The following TEX15 variants were observed in gnomAD, a reference collection of about 807,000 sequenced individuals.
TEX15 encodes the protein testis expressed 15, meiosis and synapsis associated.
A neutral mutation model predicts 237.3 loss-of-function variants in TEX15; 171 were observed. The ratio of observed to expected loss-of-function variants is 0.72; its 90% CI spans 0.64 to 0.82. The LOEUF is 0.82. Ranked by LOEUF, TEX15 falls within the 40% of genes least tolerant of loss-of-function variation. TEX15 has a pLI of 0.00. For missense variants in TEX15, 3,750 were observed against 3,646.5 expected (o/e 1.03, Z -0.73); for synonymous variants, 1,338 against 1,269.8 (o/e 1.05, Z -1.14).
rs1807972655 is a variant in TEX15, at chr8:30,858,823, A to G, written c.695T>C (p.Phe232Ser). ...CTTTGAAAGGACACTGTATTCATAGAAGTACACCTGAAAGATGAAAACAGG... is the reference window on the plus strand; with the variant it reads ...CTTTGAAAGGACACTGTATTCATAGGAGTACACCTGAAAGATGAAAACAGG... ...ELQAYSSAVYFYEYSVLSKPV... is the reference protein window; with the variant it reads ...ELQAYSSAVYSYEYSVLSKPV... The change falls in exon 7 of 11, where the codon TTC (phenylalanine) becomes TCC (serine). Residue 232 changes from phenylalanine to serine, a missense_variant. Physicochemically the swap from Phe to Ser is radical, Grantham distance 155 (BLOSUM62 -2). Transcript: ENST00000643185. The G allele has an allele frequency of 6.5e-7, 1 of 1,526,780 alleles. No individual in the cohort carries two copies. The highest frequency in any genetic ancestry group is 2.5e-5 in the East Asian group (1 of 40,616). 94.6% of individuals were successfully genotyped at this position (1,526,780 alleles called of 1,614,324 possible). A position where few individuals can be genotyped will look rare whatever the true frequency, so the allele number is the denominator to read the frequency against.
intron 7 of TEX15, among the ~76,000 whole-genome samples, chr8:30,858,142 T>C (rs1031382034): frequency 6.6e-6 from 1 of 152,168 alleles, no homozygotes; most frequent in African/African-American, 2.4e-5. Context: ...GAATACTCTT[T>C]CCATTTATCC....
intron 7 of TEX15, among the ~76,000 whole-genome samples, chr8:30,855,253 C>T (rs1807885168): frequency 6.6e-6 from 1 of 152,058 alleles, no homozygotes; most frequent in Middle Eastern, 3.2e-3. Context: ...CTGCAGGATA[C>T]ACTATAATTA....
rs577913477 is a variant in TEX15 at position 30,845,093 on chromosome 8, T to G, written c.5074A>C (p.Lys1692Gln). ...VKWTDPIERP[K>Q]QNIITGNFLM... The stretch of plus-strand genomic sequence containing the variant: ...AAGTTTCCTGTAATAATGTTTTGTT[T>G]GGGTCTCTCAATAGGATCTGTCCAC... Residue 1692 changes from lysine to glutamine, a missense_variant, in exon 8 of 11, where the codon AAA (lysine) becomes CAA (glutamine). Transcript: ENST00000643185. 3.7e-6 allele frequency: 6 copies of G among 1,613,582 alleles called. No individual in the cohort carries two copies. In the African/African-American group the frequency reaches 5.3e-5, roughly 14 times the overall value.
At chr8:30,895,297 C>CAAAAAAAAAAAAA (rs34514049) in intron 2 of TEX15, among the ~76,000 whole-genome samples, 1 of 60,474 alleles carries the variant, frequency 1.7e-5, no homozygotes, top group Non-Finnish European at 3.6e-5. Flanking sequence ...GACTCCATCT[C>CAAAAAAAAAAAAA]AAAAAAAAAA....
chr8:30,894,563 A>G lies in TEX15; in HGVS notation c.-10+4179T>C, dbSNP rs991057249. Among the ~76,000 whole-genome samples, 4 of 152,236 alleles carry G rather than the reference A, an allele frequency of 2.6e-5. No individual in the cohort carries two copies. In the East Asian group the frequency reaches 5.8e-4, roughly 22 times the overall value. ...AGTTCCAAGATAAGCCTTCACATAT[A>G]TGGTGAAATGATGTTCCACAAGGGT... On this transcript the variant is annotated intron_variant, in intron 2 of 10. Transcript: ENST00000643185.
chr8:30,889,010 T>C (rs1289243581), intron 2 of TEX15, among the ~76,000 whole-genome samples: 2 of 152,200 alleles, frequency 1.3e-5, no homozygotes, highest in Admixed American at 1.3e-4. Flanking sequence ...CGCAGTTTAG[T>C]AAGGGGAAGA....
chr8:30,896,771 A>T (rs550040271), intron 2 of TEX15, among the ~76,000 whole-genome samples: 1 of 151,794 alleles, frequency 6.6e-6, no homozygotes, highest in African/African-American at 2.4e-5. Context: ...GTAAAACTGT[A>T]GTAATTTATT....
rs770059165 is a variant in TEX15, at chr8:30,848,743, T to C, written c.1424A>G (p.Asn475Ser). 1.9e-6 allele frequency: 3 copies of C among 1,614,180 alleles called. No homozygotes were observed. The East Asian group carries it at 6.7e-5, about 36-fold the overall frequency. The change falls in exon 8 of 11, where the codon AAT becomes AGT. Residue 475 changes from asparagine to serine, a missense_variant. By Grantham distance (46) the Asn-to-Ser change is conservative. Coordinates refer to ENST00000643185, the MANE Select transcript of TEX15 (RefSeq NM_001350162.2). ...VNSEIKSTPS[N>S]SASSSEVVPG... The stretch of plus-strand genomic sequence containing the variant: ...GACAACTTCTGAGGAGGAGGCAGAA[T>C]TAGATGGTGTCGATTTTATTTCTGA...
intron 3 of TEX15, among the ~76,000 whole-genome samples, chr8:30,880,514 CT>C (rs765874705): frequency 1.3e-4 from 20 of 152,180 alleles, no homozygotes; most frequent in Non-Finnish European, 2.5e-4. Context: ...CTTCCTTAGC[CT>C]ACTCAATGTG....
At position 30,887,605 on chromosome 8, in the gene TEX15, C is replaced by T. The variant is rs1003845425; in HGVS notation, c.-9-294G>A. On this transcript the variant is annotated intron_variant, in intron 2 of 10. Transcript: ENST00000643185. ...CTTGAGGCTAGGAGTTTGAGACCAG[C>T]CTGGCCAACATGGTGAAACTCCGTC... 2.2e-5 allele frequency: 4 copies of T among 179,236 alleles called. No individual in the cohort carries two copies. In the East Asian group the frequency reaches 4.3e-4, roughly 19 times the overall value. 11.1% of individuals were successfully genotyped at this position (179,236 alleles called of 1,614,324 possible). A position where few individuals can be genotyped will look rare whatever the true frequency, so the allele number is the denominator to read the frequency against.
intron 5 of TEX15, among the ~76,000 whole-genome samples, chr8:30,862,069 T>C (rs963417623): frequency 2.0e-5 from 3 of 152,140 alleles, no homozygotes; most frequent in African/African-American, 7.2e-5. Context: ...GAAATGTCAA[T>C]TAGTGCAATC....
In TEX15 at chr8:30,847,783, G is replaced by T; in HGVS notation, c.2384C>A (p.Ser795Ter). The change falls in exon 8 of 11, where the codon TCA becomes TAA. Residue 795 changes from serine (S) to a stop codon, truncating the protein, a stop_gained. Transcript: ENST00000643185. LOFTEE classifies it high-confidence loss of function. ...ATGTTCTCTAGTTATGCTGCAATTT[G>T]AACTGTCATGAGCTGTTTCTATGTT... ...SYNIETAHDS[S>*]NCSITREHIC... The T allele has an allele frequency of 6.2e-7, 1 of 1,613,582 alleles. No homozygotes were observed. The highest frequency in any genetic ancestry group is 8.5e-7 in the Non-Finnish European group (1 of 1,179,914).
intron 2 of TEX15, among the ~76,000 whole-genome samples, chr8:30,892,326 GCT>G (rs1319130935): frequency 6.6e-6 from 1 of 151,990 alleles, no homozygotes; most frequent in Non-Finnish European, 1.5e-5. Context: ...TGGGCTCTGG[GCT>G]CTGTTTCATT....
chr8:30,890,222 T>C (rs1808768635), intron 2 of TEX15, among the ~76,000 whole-genome samples: 1 of 151,732 alleles, frequency 6.6e-6, no homozygotes, highest in Non-Finnish European at 1.5e-5. Context: ...AATTTAAACA[T>C]CTATTTATAT....
intron 1 of TEX15, among the ~76,000 whole-genome samples, chr8:30,903,804 T>C (rs564305867): frequency 6.6e-5 from 10 of 152,310 alleles, no homozygotes; most frequent in African/African-American, 1.7e-4. Flanking sequence ...TATGCAGATA[T>C]AAACAGAGAG....
chr8:30,879,118 C>G (rs996753377), intron 3 of TEX15, among the ~76,000 whole-genome samples: 1 of 151,180 alleles, frequency 6.6e-6, no homozygotes, highest in Non-Finnish European at 1.5e-5. Context: ...TGTTTTCTAA[C>G]TGGATTGCCT....
Position 30,844,556 on chromosome 8 carries a change from C to G in TEX15, c.5611G>C (p.Glu1871Gln), listed in dbSNP as rs1380434052. 1.9e-6 allele frequency: 3 copies of G among 1,611,920 alleles called. No individual in the cohort carries two copies. The highest frequency in any genetic ancestry group is 1.1e-5 in the South Asian group (1 of 90,548). ...ATCTGATTCTTTTGATTTTTGTACT[C>G]AGTATTAACAGTTGATCCTTCAGTC... ...SMTEGSTVNT[E>Q]YKNQKNQISE... Residue 1871 changes from glutamate to glutamine, a missense_variant, in exon 8 of 11, where the codon GAG becomes CAG. Transcript: ENST00000643185.
At position 30,842,690 on chromosome 8, in the gene TEX15, C is replaced by G. The variant is rs918869099; in HGVS notation, c.7477G>C (p.Ala2493Pro). 6 of 1,612,840 alleles carry G rather than the reference C, an allele frequency of 3.7e-6. No individual in the cohort carries two copies. The highest frequency in any genetic ancestry group is 3.3e-5 in the Admixed American group (2 of 59,974). The change falls in exon 8 of 11, where the codon GCT becomes CCT. Residue 2493 changes from alanine to proline, a missense_variant. Transcript: ENST00000643185. ...PELVQCQEKM[A>P]SFSFLKDNST... ...TTATCTTTAAGAAATGAAAAAGAAG[C>G]CATTTTTTCTTGGCACTGAACCAGC...
At chr8:30,849,360 T>A in intron 7 of TEX15, 44 bp from the exon 8 acceptor site, 2 of 1,149,808 alleles carry the variant, frequency 1.7e-6, no homozygotes. Flanking sequence ...AAAGTGTTTC[T>A]ATAGACAACT....
Sources: allele counts gnomAD v4.1 joint callset (sites outside exome capture counted in the v4.1 genomes callset), GRCh38; gene constraint gnomAD v4.1.1; transcripts MANE v1.5; gene names NCBI Gene and HGNC (gene_info 2026-07-23, HGNC 2026-07-21).